Variants in CCDC157 observed in about 807,000 individuals in gnomAD.
The protein encoded by CCDC157 is coiled-coil domain-containing protein 157.
CCDC157 carries 60 observed loss-of-function variants against 70.9 expected under a neutral mutation model. The ratio of observed to expected loss-of-function variants is 0.85; its 90% CI spans 0.69 to 1.05. The LOEUF (loss-of-function observed/expected upper bound fraction) is 1.05, where lower values mean the gene tolerates loss of function less well. Among genes scored for constraint, CCDC157 ranks in the 50% least tolerant of loss-of-function variants. The pLI is 0.00. For missense variants in CCDC157, 943 were observed against 984.2 expected (o/e 0.96, Z 0.56); for synonymous variants, 373 against 422.4 (o/e 0.88, Z 1.43).
At chr22:30,374,677 G>A (rs1295873018) in intron 9 of CCDC157, 1 of 456,768 alleles carries the variant, frequency 2.2e-6, no homozygotes, top group Non-Finnish European at 4.4e-6. Flanking sequence ...AGGCCCTTCT[G>A]TCCCCTTCTC....
At chr22:30,357,491 GCTTT>G (rs1162474194) in intron 1 of CCDC157, among the ~76,000 whole-genome samples, 1 of 152,166 alleles carries the variant, frequency 6.6e-6, no homozygotes, top group South Asian at 2.1e-4. Flanking sequence ...CAAGGCTGCT[GCTTT>G]CTTTGTCTTT....
At chr22:30,365,445 G>C (rs1330696329) in intron 2 of CCDC157, among the ~76,000 whole-genome samples, 2 of 152,118 alleles carry the variant, frequency 1.3e-5, no homozygotes, top group Non-Finnish European at 1.5e-5. Flanking sequence ...GGAGTACCGA[G>C]GCACTGTGGC....
Position 30,375,526 on chromosome 22 carries a change from T to C in CCDC157, c.1720T>C (p.Ser574Pro). Reference protein sequence around the residue: ...VESQITCPTDSGNVTDHMERQ... With the variant: ...VESQITCPTDPGNVTDHMERQ... ...ATCCCAGATAACATGTCCCACAGACTCTGGCAACGTCACAGATCACATGGA... is the reference window on the plus strand; with the variant it reads ...ATCCCAGATAACATGTCCCACAGACCCTGGCAACGTCACAGATCACATGGA... Residue 574 changes from serine to proline, a missense_variant, in exon 10 of 12, where the codon TCT becomes CCT. Physicochemically the swap from Ser to Pro is moderately conservative, Grantham distance 74. Transcript: ENST00000338306. 1 of 1,614,188 alleles carries C rather than the reference T, an allele frequency of 6.2e-7. No individual in the cohort carries two copies. Among genetic ancestry groups the C allele is most frequent in the Non-Finnish European group, 8.5e-7 (1 of 1,180,044 alleles).
At chr22:30,364,833 A>G (rs1932612808) in intron 2 of CCDC157, among the ~76,000 whole-genome samples, 1 of 152,068 alleles carries the variant, frequency 6.6e-6, no homozygotes, top group Admixed American at 6.5e-5. Flanking sequence ...AAAAAAACCA[A>G]AAAACATATA....
chr22:30,367,293 TG>T (rs1423351989), intron 3 of CCDC157, among the ~76,000 whole-genome samples: 1 of 151,406 alleles, frequency 6.6e-6, no homozygotes, highest in African/African-American at 2.4e-5. Context: ...TGGAGTGCAG[TG>T]GTGTGATCTC....
rs1931923398 is a variant in CCDC157 at position 30,357,034 on chromosome 22, G to A, written c.-264G>A. 4 of 384,414 alleles carry A rather than the reference G, an allele frequency of 1.0e-5. No individual in the cohort carries two copies. The highest frequency in any genetic ancestry group is 1.4e-5 in the Non-Finnish European group (3 of 217,962). 23.8% of individuals were successfully genotyped at this position (384,414 alleles called of 1,614,324 possible). A position where few individuals can be genotyped will look rare whatever the true frequency, so the allele number is the denominator to read the frequency against. ...TGCCAAGGCAGCGGCCTGAGCGCCCGGCTAGGGCTTTTCGGGGATCCCGGT... is the reference window on the plus strand; with the variant it reads ...TGCCAAGGCAGCGGCCTGAGCGCCCAGCTAGGGCTTTTCGGGGATCCCGGT... On this transcript the variant is annotated 5_prime_UTR_variant, in exon 1 of 12. Coordinates refer to ENST00000338306, the MANE Select transcript of CCDC157 (RefSeq NM_001017437.5).
intron 3 of CCDC157, 57 bp from the exon 4 acceptor site, chr22:30,369,375 T>C (rs1212796269): frequency 7.1e-7 from 1 of 1,406,464 alleles, no homozygotes; most frequent in African/African-American, 1.5e-5. Flanking sequence ...GGTTGTATGG[T>C]CTGAGGGTAT....
chr22:30,356,989 A>C (rs1479635742), upstream of CCDC157: 3 of 455,694 alleles, frequency 6.6e-6, no homozygotes, highest in Non-Finnish European at 7.1e-6. Flanking sequence ...CCCCGCGGGC[A>C]CCGCGGCGTC....
intron 1 of CCDC157, among the ~76,000 whole-genome samples, chr22:30,361,464 A>G (rs1049563531): frequency 3.9e-5 from 6 of 152,128 alleles, no homozygotes; most frequent in African/African-American, 1.4e-4. Context: ...GCTTCAGAGA[A>G]GAAGGATGAG....
At chr22:30,358,778 C>A (rs1352660349) in intron 1 of CCDC157, among the ~76,000 whole-genome samples, 1 of 152,216 alleles carries the variant, frequency 6.6e-6, no homozygotes, top group East Asian at 1.9e-4. Context: ...TCAATTAGTG[C>A]TGTCACCTAT....
At chr22:30,372,423 CA>C in intron 7 of CCDC157, 137 bp downstream of exon 7, 1 of 1,232,630 alleles carries the variant, frequency 8.1e-7, no homozygotes, top group Non-Finnish European at 1.1e-6. Context: ...GGGGTTGACT[CA>C]CCTTTACAGA....
intron 9 of CCDC157, chr22:30,374,769 G>C: frequency 2.2e-6 from 1 of 455,642 alleles, no homozygotes; most frequent in Non-Finnish European, 4.4e-6. Flanking sequence ...CAATTCTCCC[G>C]GGCTCCTGGA....
At chr22:30,357,440 A>G (rs1280579997) in intron 1 of CCDC157, among the ~76,000 whole-genome samples, 1 of 152,106 alleles carries the variant, frequency 6.6e-6, no homozygotes, top group African/African-American at 2.4e-5. Flanking sequence ...TGCCTTCCGT[A>G]GTCCCGCCCT....
chr22:30,367,337 G>A (rs1259107130), intron 3 of CCDC157, among the ~76,000 whole-genome samples: 4 of 151,842 alleles, frequency 2.6e-5, no homozygotes, highest in Non-Finnish European at 1.5e-5. Flanking sequence ...CTGGGTTCAA[G>A]AGATTCTCCT....
At chr22:30,369,676 C>T (rs910241714) in intron 4 of CCDC157, 73 bp downstream of exon 4, 14 of 1,232,228 alleles carry the variant, frequency 1.1e-5, no homozygotes, top group Non-Finnish European at 1.4e-5. Flanking sequence ...CTTCACACCT[C>T]GCCCCAGCTC....
intron 4 of CCDC157, 23 bp downstream of exon 4, chr22:30,369,626 G>A (rs1169916602): frequency 6.7e-7 from 1 of 1,487,950 alleles, no homozygotes; most frequent in Non-Finnish European, 8.9e-7. Context: ...CTCTGTCTCA[G>A]GTGGGTCAGC....
In CCDC157 at chr22:30,369,454, T is replaced by C. The variant is rs1162502302; in HGVS notation, c.271T>C (p.Cys91Arg). Reference protein sequence around the residue: ...IDRLLLLLQSCMSYLENLGSE... With the variant: ...IDRLLLLLQSRMSYLENLGSE... ...CAGGCTCCTGCTGCTGCTTCAAAGC[T>C]GTATGAGCTACTTGGAGAACCTTGG... Residue 91 changes from cysteine (C) to arginine (R), a missense_variant, in exon 4 of 12, where the codon TGT becomes CGT. Coordinates refer to ENST00000338306, the MANE Select transcript of CCDC157 (RefSeq NM_001017437.5). The C allele has an allele frequency of 6.5e-7, 1 of 1,543,896 alleles. No individual in the cohort carries two copies. The highest frequency in any genetic ancestry group is 2.4e-5 in the East Asian group (1 of 41,002).
chr22:30,369,520 T>C lies in CCDC157; in HGVS notation c.337T>C (p.Cys113Arg). Residue 113 changes from cysteine (C) to arginine (R), a missense_variant, in exon 4 of 12, where the codon TGC becomes CGC. By Grantham distance (180) the Cys-to-Arg change is radical (BLOSUM62 -3). Transcript: ENST00000338306. ...GCCCCCTGCACAGGCTGCGGGGCCC[T>C]GCATGTCCGTGGGGCTCACGGTGCG... ...MMPPAQAAGP[C>R]MSVGLTVRRF... 6.2e-7 allele frequency: 1 copy of C among 1,607,380 alleles called. No homozygotes were observed. The highest frequency in any genetic ancestry group is 8.5e-7 in the Non-Finnish European group (1 of 1,176,544).
chr22:30,375,773 GCCT>G, intron 10 of CCDC157, 110 bp downstream of exon 10: 13 of 915,758 alleles, frequency 1.4e-5, no homozygotes, highest in South Asian at 1.8e-5. Flanking sequence ...ATCACATGAG[GCCT>G]TAGGCTGTGC....
Sources: allele counts gnomAD v4.1 joint callset (sites outside exome capture counted in the v4.1 genomes callset), GRCh38; gene constraint gnomAD v4.1.1; transcripts MANE v1.5; gene names NCBI Gene and HGNC (gene_info 2026-07-23, HGNC 2026-07-21).